GRM1: variants seen among roughly 807,000 people sequenced by gnomAD.
GRM1 encodes the protein metabotropic glutamate receptor 1.
A neutral mutation model predicts 90.9 loss-of-function variants in GRM1; 33 were observed. The observed-to-expected ratio is 0.36, with a 90% CI of 0.28 to 0.49. GRM1 has a LOEUF of 0.49. Ranked by LOEUF, GRM1 falls within the 20% of genes least tolerant of loss-of-function variation. The probability of loss-of-function intolerance (pLI) is 0.99; values close to 1 mark genes in which losing one functional copy is unlikely to be tolerated. For synonymous variants in GRM1, 700 were observed against 613.2 expected (o/e 1.14, Z -2.09); for missense variants, 1,190 against 1,534.3 (o/e 0.78, Z 3.75).
chr6:146,058,160 C>A (rs889455063), intron 1 of GRM1, among the ~76,000 whole-genome samples: 1 of 152,016 alleles, frequency 6.6e-6, no homozygotes, highest in African/African-American at 2.4e-5. Context: ...CTGTCATCTT[C>A]TTTTTGCGTA....
rs554025456 is a variant in GRM1 at position 146,095,532 on chromosome 6, C to T, written c.701-63816C>T. Among the ~76,000 whole-genome samples the T allele has an allele frequency of 5.3e-5, 8 of 152,192 alleles. No homozygotes were observed. In the East Asian group the frequency reaches 1.5e-3, roughly 29 times the overall value. On this transcript the variant is annotated intron_variant, in intron 1 of 7. Coordinates refer to ENST00000282753, the MANE Select transcript of GRM1 (RefSeq NM_001278064.2). Reference sequence around the variant, plus strand: ...TGCTCTGTGAAGCTAGAAATAGTATCTCCTTTTCTCAGAAATATCTTCATA... The same window carrying T: ...TGCTCTGTGAAGCTAGAAATAGTATTTCCTTTTCTCAGAAATATCTTCATA...
intron 2 of GRM1, among the ~76,000 whole-genome samples, chr6:146,220,439 C>T (rs1274315457): frequency 6.6e-6 from 1 of 152,030 alleles, no homozygotes; most frequent in East Asian, 1.9e-4. Flanking sequence ...AAAAGTCCAC[C>T]TATGTGCAAG....
intron 1 of GRM1, among the ~76,000 whole-genome samples, chr6:146,066,088 AG>A (rs1180299851): frequency 6.6e-6 from 1 of 152,040 alleles, no homozygotes; most frequent in Non-Finnish European, 1.5e-5. Flanking sequence ...TTTTGGAACC[AG>A]GGGGTACATG....
intron 2 of GRM1, among the ~76,000 whole-genome samples, chr6:146,292,540 C>A (rs1205281654): frequency 2.0e-5 from 3 of 151,778 alleles, no homozygotes; most frequent in Non-Finnish European, 4.4e-5. Flanking sequence ...TTAGCCATTA[C>A]AAAAATGGTA....
chr6:146,387,735 T>A (rs571554938), intron 6 of GRM1, among the ~76,000 whole-genome samples: 15 of 152,072 alleles, frequency 9.9e-5, no homozygotes, highest in African/African-American at 3.6e-4. Context: ...TGGTCAGAAA[T>A]GAGAATAGAC....
chr6:146,376,045 T>C (rs1409041732), intron 5 of GRM1, among the ~76,000 whole-genome samples: 1 of 152,152 alleles, frequency 6.6e-6, no homozygotes, highest in Admixed American at 6.6e-5. Flanking sequence ...TTCCATTGTA[T>C]GTTTTTTGTT....
At chr6:146,118,041 T>A (rs1289615124) in intron 1 of GRM1, among the ~76,000 whole-genome samples, 2 of 151,838 alleles carry the variant, frequency 1.3e-5, no homozygotes, top group African/African-American at 4.8e-5. Context: ...GTATAAAAAA[T>A]TTTTTTTCAA....
intron 4 of GRM1, among the ~76,000 whole-genome samples, chr6:146,355,036 C>T (rs1785535421): frequency 6.6e-6 from 1 of 151,952 alleles, no homozygotes; most frequent in African/African-American, 2.4e-5. Flanking sequence ...AATGAGGAAG[C>T]TAAAATAAAA....
At chr6:146,417,942 G>A (rs1019153930) in intron 7 of GRM1, among the ~76,000 whole-genome samples, 1 of 152,084 alleles carries the variant, frequency 6.6e-6, no homozygotes, top group African/African-American at 2.4e-5. Context: ...TCCCTTTTGT[G>A]TAACTTGATC....
intron 2 of GRM1, among the ~76,000 whole-genome samples, chr6:146,225,801 A>G (rs1163165008): frequency 2.0e-5 from 3 of 152,138 alleles, no homozygotes; most frequent in African/African-American, 7.2e-5. Flanking sequence ...ATTTTATGTA[A>G]TTAAGTTAAA....
intron 3 of GRM1, among the ~76,000 whole-genome samples, chr6:146,307,659 G>A (rs1202363920): frequency 6.6e-6 from 1 of 152,114 alleles, no homozygotes; most frequent in Non-Finnish European, 1.5e-5. Flanking sequence ...TGTGAGGAAG[G>A]AGAATTAACC....
chr6:146,152,990 C>G (rs1211137011), intron 1 of GRM1, among the ~76,000 whole-genome samples: 1 of 152,056 alleles, frequency 6.6e-6, no homozygotes, highest in East Asian at 1.9e-4. Flanking sequence ...CAGGAAGAAG[C>G]CTAAGTGGCA....
chr6:146,090,932 A>G (rs911763030), intron 1 of GRM1, among the ~76,000 whole-genome samples: 3 of 152,134 alleles, frequency 2.0e-5, no homozygotes, highest in Admixed American at 6.6e-5. Context: ...AGTTTGGGAA[A>G]AAAAACCAAA....
intron 3 of GRM1, among the ~76,000 whole-genome samples, chr6:146,314,233 AT>A (rs569665452): frequency 1.4e-3 from 204 of 140,802 alleles, no homozygotes; most frequent in Middle Eastern, 3.6e-3. Context: ...TGCCCGATTA[AT>A]TTTTTTTTTT....
chr6:146,427,899 G>A (rs995715014), intron 7 of GRM1, among the ~76,000 whole-genome samples: 4 of 152,190 alleles, frequency 2.6e-5, no homozygotes, highest in Non-Finnish European at 5.9e-5. Context: ...CTGTCAAAAA[G>A]GATTGATGGG....
chr6:146,236,499 G>C (rs1462313217), intron 2 of GRM1, among the ~76,000 whole-genome samples: 1 of 152,126 alleles, frequency 6.6e-6, no homozygotes, highest in Non-Finnish European at 1.5e-5. Context: ...GTAGGCACTA[G>C]GGGAACATTC....
At chr6:146,295,056 G>T (rs753115087) in intron 2 of GRM1, among the ~76,000 whole-genome samples, 2 of 151,666 alleles carry the variant, frequency 1.3e-5, no homozygotes, top group African/African-American at 4.8e-5. Context: ...CTTATCTTGC[G>T]CTTGCTGTTT....
At chr6:146,358,626 A>G (rs1169354867) in intron 5 of GRM1, among the ~76,000 whole-genome samples, 1 of 152,182 alleles carries the variant, frequency 6.6e-6, no homozygotes, top group Non-Finnish European at 1.5e-5. Flanking sequence ...GGGAGCTGCA[A>G]AAACACCCAT....
At chr6:146,053,851 GC>G (rs1582934077) in intron 1 of GRM1, among the ~76,000 whole-genome samples, 1 of 152,008 alleles carries the variant, frequency 6.6e-6, no homozygotes, top group Non-Finnish European at 1.5e-5. Flanking sequence ...ATATGAATGT[GC>G]CTCAGTTTTA....
Sources: allele counts gnomAD v4.1 joint callset (sites outside exome capture counted in the v4.1 genomes callset), GRCh38; gene constraint gnomAD v4.1.1; transcripts MANE v1.5; gene names NCBI Gene and HGNC (gene_info 2026-07-23, HGNC 2026-07-21).